The following ADGRL3 variants were observed in gnomAD, a reference collection of about 807,000 sequenced individuals.
ADGRL3 encodes the protein adhesion G protein-coupled receptor L3, also known as calcium-independent alpha-latrotoxin receptor 3.
Under a neutral mutation model 153.5 loss-of-function variants are expected in ADGRL3, and 62 were observed. That is an observed-to-expected ratio of 0.40 (90% confidence interval 0.33 to 0.50). The LOEUF (loss-of-function observed/expected upper bound fraction) is 0.50, where lower values mean the gene tolerates loss of function less well. Ranked by LOEUF, ADGRL3 falls within the 20% of genes least tolerant of loss-of-function variation. ADGRL3 has a pLI of 0.47. For missense variants in ADGRL3, 1,641 were observed against 1,859.4 expected, an observed-to-expected ratio of 0.88 and a Z score of 2.16; for synonymous variants, 710 against 672.5, an observed-to-expected ratio of 1.06 and a Z score of -0.86.
chr4:61,870,122 T>C (rs891372613), intron 9 of ADGRL3, among the ~76,000 whole-genome samples: 1 of 151,886 alleles, frequency 6.6e-6, no homozygotes, highest in Admixed American at 6.6e-5. Flanking sequence ...AGTTCTATAA[T>C]TGTTGACAGT....
intron 4 of ADGRL3, among the ~76,000 whole-genome samples, chr4:61,551,274 T>C (rs1205209454): frequency 6.6e-6 from 1 of 152,080 alleles, no homozygotes; most frequent in Non-Finnish European, 1.5e-5. Context: ...TGTTATCAAA[T>C]GCATAGTGAT....
intron 2 of ADGRL3, among the ~76,000 whole-genome samples, chr4:61,414,476 T>G (rs1483693436): frequency 2.6e-5 from 4 of 152,140 alleles, no homozygotes; most frequent in African/African-American, 9.7e-5. Context: ...TTTATTATCT[T>G]AAATTTCTTT....
chr4:61,218,247 A>G (rs1226782750), intron 1 of ADGRL3, among the ~76,000 whole-genome samples: 1 of 152,168 alleles, frequency 6.6e-6, no homozygotes, highest in Non-Finnish European at 1.5e-5. Context: ...GAGTCCTATA[A>G]TAGAAGATAC....
At chr4:61,596,412 G>A (rs533513068) in intron 5 of ADGRL3, among the ~76,000 whole-genome samples, 3 of 152,242 alleles carry the variant, frequency 2.0e-5, no homozygotes, top group African/African-American at 4.8e-5. Flanking sequence ...TTATAAAAAT[G>A]AAAGTGTATT....
At chr4:61,307,100 T>G (rs2150440060) in intron 1 of ADGRL3, among the ~76,000 whole-genome samples, 1 of 152,334 alleles carries the variant, frequency 6.6e-6, no homozygotes, top group East Asian at 1.9e-4. Flanking sequence ...ATGCAGGAAT[T>G]GAGGCGCATA....
At chr4:61,588,438 A>G (rs922959236) in intron 5 of ADGRL3, among the ~76,000 whole-genome samples, 2 of 151,966 alleles carry the variant, frequency 1.3e-5, no homozygotes, top group Non-Finnish European at 2.9e-5. Flanking sequence ...TAATACATTC[A>G]TAGTCAATAT....
chr4:61,429,491 A>T (rs1405419446), intron 2 of ADGRL3, among the ~76,000 whole-genome samples: 1 of 152,306 alleles, frequency 6.6e-6, no homozygotes, highest in East Asian at 1.9e-4. Context: ...AAGAACTACA[A>T]TGATAATTGT....
At chr4:61,844,199 C>A (rs1398185480) in intron 9 of ADGRL3, among the ~76,000 whole-genome samples, 1 of 151,590 alleles carries the variant, frequency 6.6e-6, no homozygotes, top group Non-Finnish European at 1.5e-5. Flanking sequence ...TGGCTGCTAA[C>A]AGTATAACAA....
At chr4:61,397,089 T>C (rs1179781841) in intron 2 of ADGRL3, among the ~76,000 whole-genome samples, 2 of 151,702 alleles carry the variant, frequency 1.3e-5, no homozygotes, top group Non-Finnish European at 2.9e-5. Flanking sequence ...AATAGTGCAG[T>C]TTCTAGGACT....
At chr4:61,824,969 A>C (rs2097787848) in intron 9 of ADGRL3, among the ~76,000 whole-genome samples, 1 of 152,114 alleles carries the variant, frequency 6.6e-6, no homozygotes, top group African/African-American at 2.4e-5. Flanking sequence ...CCACTTGGAG[A>C]ATGAGAATCT....
At chr4:61,877,694 G>C (rs1284055000) in intron 9 of ADGRL3, among the ~76,000 whole-genome samples, 2 of 152,120 alleles carry the variant, frequency 1.3e-5, no homozygotes, top group African/African-American at 2.4e-5. Flanking sequence ...TTCTTCTGAG[G>C]CCTCTCTCCT....
chr4:62,002,650 T>C (rs1560490702), intron 21 of ADGRL3, among the ~76,000 whole-genome samples: 2 of 151,966 alleles, frequency 1.3e-5, no homozygotes, highest in African/African-American at 2.4e-5. Flanking sequence ...AAAAAAGTAA[T>C]TAAAATTAAA....
At chr4:61,965,279 G>A (rs940388353) in intron 17 of ADGRL3, among the ~76,000 whole-genome samples, 3 of 151,972 alleles carry the variant, frequency 2.0e-5, no homozygotes, top group Non-Finnish European at 4.4e-5. Flanking sequence ...GATTACAGGC[G>A]TGAGCCACTG....
chr4:61,481,409 G>T (rs571739627), intron 2 of ADGRL3, among the ~76,000 whole-genome samples: 1 of 152,116 alleles, frequency 6.6e-6, no homozygotes, highest in Non-Finnish European at 1.5e-5. Flanking sequence ...GACTCTAAAA[G>T]GCCGAAAAGA....
intron 1 of ADGRL3, among the ~76,000 whole-genome samples, chr4:61,204,190 A>G (rs1275572602): frequency 6.6e-6 from 1 of 152,080 alleles, no homozygotes; most frequent in Non-Finnish European, 1.5e-5. Flanking sequence ...AAAGACCTTG[A>G]CCTCTTGAAA....
rs572898741 is a variant in ADGRL3, at chr4:61,758,240, C to T, written c.1399+24686C>T. The stretch of plus-strand genomic sequence containing the variant: ...CCCTGAGTTCAATTCCTGGATATCC[C>T]TTTCTGTCTCATTGATCTGTCTAAT... On this transcript the variant is annotated intron_variant, in intron 8 of 26. Transcript: ENST00000683033. Among the ~76,000 whole-genome samples the T allele has an allele frequency of 4.6e-5, 7 of 152,162 alleles. No homozygotes were observed. In the South Asian group the frequency reaches 1.5e-3, roughly 32 times the overall value.
intron 1 of ADGRL3, among the ~76,000 whole-genome samples, chr4:61,345,322 A>G (rs1379885209): frequency 6.6e-6 from 1 of 152,108 alleles, no homozygotes; most frequent in Non-Finnish European, 1.5e-5. Context: ...TCAGTAGTGC[A>G]ATTTTTCAAC....
intron 8 of ADGRL3, among the ~76,000 whole-genome samples, chr4:61,752,263 G>A (rs1366283122): frequency 6.6e-6 from 1 of 152,080 alleles, no homozygotes; most frequent in Non-Finnish European, 1.5e-5. Flanking sequence ...GGCTTCCTAA[G>A]GAAATAAAGA....
At chr4:61,430,422 A>T (rs2097342049) in intron 2 of ADGRL3, among the ~76,000 whole-genome samples, 1 of 152,188 alleles carries the variant, frequency 6.6e-6, no homozygotes, top group Non-Finnish European at 1.5e-5. Flanking sequence ...TACATGAACT[A>T]GCACTTCTGA....
Sources: allele counts gnomAD v4.1 joint callset (sites outside exome capture counted in the v4.1 genomes callset), GRCh38; gene constraint gnomAD v4.1.1; transcripts MANE v1.5; gene names NCBI Gene and HGNC (gene_info 2026-07-23, HGNC 2026-07-21).